The following OPCML variants were observed in gnomAD, a reference collection of about 807,000 sequenced individuals.
OPCML encodes the protein opioid binding protein/cell adhesion molecule like.
OPCML carries 13 observed loss-of-function variants against 37.8 expected under a neutral mutation model. The ratio of observed to expected loss-of-function variants is 0.34; its 90% confidence interval spans 0.22 to 0.55. The LOEUF is 0.55. OPCML is among the 20% of genes least tolerant of loss of function. The pLI is 0.91. For synonymous variants in OPCML, 176 were observed against 168.8 expected (o/e 1.04, Z -0.33); for missense variants, 341 against 435.6 (o/e 0.78, Z 1.93).
chr11:132,549,403 C>A (rs2096376378), intron 3 of OPCML, among the ~76,000 whole-genome samples: 1 of 152,204 alleles, frequency 6.6e-6, no homozygotes, highest in Non-Finnish European at 1.5e-5. Context: ...AGCATATAAT[C>A]AAGAAATAAC....
chr11:133,352,082 G>C (rs1175128464), intron 1 of OPCML, among the ~76,000 whole-genome samples: 1 of 152,108 alleles, frequency 6.6e-6, no homozygotes, highest in Admixed American at 6.5e-5. Context: ...CTTCTCCCCT[G>C]TAATCAATTC....
chr11:133,342,420 G>A (rs1943893052), intron 1 of OPCML, among the ~76,000 whole-genome samples: 2 of 152,152 alleles, frequency 1.3e-5, no homozygotes, highest in African/African-American at 4.8e-5. Flanking sequence ...AATCGAAGGC[G>A]ATCTGCTCCT....
intron 4 of OPCML, among the ~76,000 whole-genome samples, chr11:132,464,795 TA>T (rs1205702445): frequency 7.2e-5 from 11 of 152,230 alleles, no homozygotes; most frequent in African/African-American, 2.4e-4. Flanking sequence ...AAAAAATGAG[TA>T]AACTCCCTGA....
At chr11:132,570,803 T>TATATATATATA (rs2096436331) in intron 3 of OPCML, among the ~76,000 whole-genome samples, 50 of 34,012 alleles carry the variant, frequency 1.5e-3, no homozygotes, top group Non-Finnish European at 2.1e-3. Context: ...ATATATATAT[T>TATATATATATA]TAGAGAGAGA....
At chr11:133,234,987 T>C (rs951937647) in intron 1 of OPCML, among the ~76,000 whole-genome samples, 2 of 152,154 alleles carry the variant, frequency 1.3e-5, no homozygotes, top group African/African-American at 2.4e-5. Context: ...CCTAATGCCG[T>C]ATTAACTGCG....
intron 7 of OPCML, among the ~76,000 whole-genome samples, chr11:132,425,164 CAAAG>C (rs1380132284): frequency 1.3e-5 from 2 of 152,192 alleles, no homozygotes; most frequent in African/African-American, 4.8e-5. Flanking sequence ...TCTGCTTTCA[CAAAG>C]AAAGACAGAA....
intron 2 of OPCML, among the ~76,000 whole-genome samples, chr11:132,730,014 T>C (rs796598945): frequency 7.2e-6 from 1 of 138,588 alleles, no homozygotes; most frequent in African/African-American, 2.8e-5. Flanking sequence ...GTGACTTTTT[T>C]TTTTTTTTTT....
At chr11:132,521,043 T>C (rs561274776) in intron 4 of OPCML, among the ~76,000 whole-genome samples, 8 of 152,212 alleles carry the variant, frequency 5.3e-5, no homozygotes, top group African/African-American at 1.9e-4. Flanking sequence ...CAACCATTCA[T>C]TGTTTCCTGA....
chr11:133,263,952 C>G (rs1941570713), intron 1 of OPCML, among the ~76,000 whole-genome samples: 1 of 152,184 alleles, frequency 6.6e-6, no homozygotes, highest in South Asian at 2.1e-4. Context: ...AGGCTGCTGT[C>G]TAAGCTCCTG....
chr11:133,329,128 G>A (rs2136643446), intron 1 of OPCML, among the ~76,000 whole-genome samples: 1 of 152,244 alleles, frequency 6.6e-6, no homozygotes, highest in Admixed American at 6.5e-5. Flanking sequence ...ACTTACAAGG[G>A]ATGTGAAGGA....
At chr11:132,867,879 A>T (rs1001324686) in intron 2 of OPCML, among the ~76,000 whole-genome samples, 3 of 152,154 alleles carry the variant, frequency 2.0e-5, no homozygotes, top group Admixed American at 6.5e-5. Context: ...CAGTGTTATG[A>T]TCCATGTTAA....
chr11:132,830,731 C>A (rs1422510246), intron 2 of OPCML, among the ~76,000 whole-genome samples: 1 of 152,206 alleles, frequency 6.6e-6, no homozygotes, highest in African/African-American at 2.4e-5. Flanking sequence ...CTAAAGAATT[C>A]TGCCTCTCTA....
chr11:132,877,507 G>A (rs1196727074), intron 2 of OPCML, among the ~76,000 whole-genome samples: 1 of 152,154 alleles, frequency 6.6e-6, no homozygotes, highest in Non-Finnish European at 1.5e-5. Context: ...TTATTTGTAG[G>A]AAGGGGCAGC....
chr11:132,680,941 G>T (rs184161811), intron 2 of OPCML, among the ~76,000 whole-genome samples: 1 of 152,202 alleles, frequency 6.6e-6, no homozygotes, highest in Non-Finnish European at 1.5e-5. Flanking sequence ...CAAGCATCGC[G>T]CAGCGTGGTG....
chr11:133,380,244 A>C (rs1311698984), intron 1 of OPCML, among the ~76,000 whole-genome samples: 4 of 152,194 alleles, frequency 2.6e-5, no homozygotes. Flanking sequence ...AAAGAGGTGA[A>C]ATTTTATTTA....
At chr11:132,581,936 C>T (rs2096462810) in intron 3 of OPCML, among the ~76,000 whole-genome samples, 1 of 151,934 alleles carries the variant, frequency 6.6e-6, no homozygotes, top group African/African-American at 2.4e-5. Context: ...GTCTCAATCC[C>T]GGAAACATGG....
chr11:132,445,153 T>TA (rs2096050574), intron 4 of OPCML, among the ~76,000 whole-genome samples: 1 of 152,212 alleles, frequency 6.6e-6, no homozygotes, highest in Admixed American at 6.5e-5. Flanking sequence ...GTAAGTTGGC[T>TA]AATCACAAGA....
chr11:132,490,860 C>A (rs768184022), intron 4 of OPCML, among the ~76,000 whole-genome samples: 1 of 151,884 alleles, frequency 6.6e-6, no homozygotes, highest in African/African-American at 2.4e-5. Flanking sequence ...TGTCTTCTCC[C>A]GTGTCTAAAG....
intron 1 of OPCML, among the ~76,000 whole-genome samples, chr11:133,161,775 T>C (rs935386253): frequency 7.9e-5 from 12 of 152,178 alleles, no homozygotes; most frequent in Non-Finnish European, 1.5e-4. Flanking sequence ...AGAAACACAA[T>C]TCTACGCATA....
Sources: allele counts gnomAD v4.1 joint callset (sites outside exome capture counted in the v4.1 genomes callset), GRCh38; gene constraint gnomAD v4.1.1; transcripts MANE v1.5; gene names NCBI Gene and HGNC (gene_info 2026-07-23, HGNC 2026-07-21).